The following ARRB1 variants were observed in gnomAD, a reference collection of about 807,000 sequenced individuals.
The protein encoded by ARRB1 is arrestin beta 1.
ARRB1 carries 21 observed loss-of-function variants against 56.8 expected under a neutral mutation model. The observed-to-expected ratio is 0.37, with a 90% CI of 0.26 to 0.53. The LOEUF (loss-of-function observed/expected upper bound fraction) is 0.53. Ranked by LOEUF, ARRB1 falls within the 20% of genes least tolerant of loss-of-function variation. The probability of loss-of-function intolerance (pLI) is 0.88; values close to 1 mark genes in which losing one functional copy is unlikely to be tolerated. For missense variants in ARRB1, 424 were observed against 553.7 expected (o/e 0.77, Z 2.35); for synonymous variants, 210 against 218.6 (o/e 0.96, Z 0.35).
intron 1 of ARRB1, among the ~76,000 whole-genome samples, chr11:75,301,995 C>T (rs1372343268): frequency 2.0e-5 from 3 of 152,180 alleles, no homozygotes; most frequent in African/African-American, 7.2e-5. Context: ...GAAATCAAAG[C>T]CCGAGTGAGA....
At chr11:75,269,539 G>A (rs113689642) in intron 13 of ARRB1, among the ~76,000 whole-genome samples, 4 of 152,380 alleles carry the variant, frequency 2.6e-5, no homozygotes, top group African/African-American at 9.6e-5. Flanking sequence ...CTGTGGGGAT[G>A]CAGGGGAAAG....
rs112376035 is a variant in ARRB1, at chr11:75,317,412, C to T, written c.21-27373G>A. The stretch of plus-strand genomic sequence containing the variant: ...AACACATAGCAGTGCTGCTGCCTCC[C>T]CCAACCCCCGACGGCATCCTCACCC... On this transcript the variant is annotated intron_variant, in intron 1 of 15. Transcript: ENST00000420843. Among the ~76,000 whole-genome samples the T allele has an allele frequency of 8.6e-3, 1,314 of 152,172 alleles. 20 individuals are homozygous for T. The highest frequency in any genetic ancestry group is 0.031 in the African/African-American group (1,274 of 41,508).
At chr11:75,349,385 C>G (rs2135011359) in intron 1 of ARRB1, among the ~76,000 whole-genome samples, 1 of 152,342 alleles carries the variant, frequency 6.6e-6, no homozygotes, top group Non-Finnish European at 1.5e-5. Context: ...CCCAATGTCC[C>G]AAAGGTCCAC....
intron 1 of ARRB1, among the ~76,000 whole-genome samples, chr11:75,329,061 C>T (rs1253549786): frequency 6.6e-6 from 1 of 150,998 alleles, no homozygotes; most frequent in African/African-American, 2.4e-5. Flanking sequence ...CAGCACTTCG[C>T]TGGGACCATT....
intron 1 of ARRB1, among the ~76,000 whole-genome samples, chr11:75,301,561 G>T (rs965691707): frequency 2.0e-5 from 3 of 152,070 alleles, no homozygotes; most frequent in African/African-American, 7.2e-5. Context: ...AATCCCATAC[G>T]TTCCCCCATC....
chr11:75,278,570 G>A, intron 8 of ARRB1, 39 bp downstream of exon 8: 1 of 1,612,942 alleles, frequency 6.2e-7, no homozygotes, highest in African/African-American at 1.3e-5. Flanking sequence ...AGGCCCTGGT[G>A]GAGCAGCCCC....
rs1386992556 is a variant in ARRB1, at chr11:75,262,904, T to C, written c.*3259A>G. Among the ~76,000 whole-genome samples the C allele has an allele frequency of 3.3e-5, 5 of 152,064 alleles. No individual in the cohort carries two copies. The highest frequency in any genetic ancestry group is 7.2e-5 in the African/African-American group (3 of 41,398). Reference sequence around the variant, plus strand: ...TCTGAGCTTTGAGGCTGAGGAGAGGTGCAGCCAAATAACTCAGTCCTTATC... The same window carrying C: ...TCTGAGCTTTGAGGCTGAGGAGAGGCGCAGCCAAATAACTCAGTCCTTATC... On this transcript the variant is annotated 3_prime_UTR_variant, in exon 16 of 16. Transcript: ENST00000420843.
intron 15 of ARRB1, 98 bp downstream of exon 15, chr11:75,267,554 G>T: frequency 1.6e-6 from 2 of 1,252,610 alleles, no homozygotes; most frequent in South Asian, 1.3e-5. Context: ...TTAGACCAGC[G>T]GCTCCTCAGG....
At position 75,288,074 on chromosome 11, in the gene ARRB1, G is replaced by A. The variant is rs1204769142; in HGVS notation, c.52-699C>T. ...GATGGGGTTTCACCATGTTGGTCAG[G>A]CTGGTCTCAAATTCCTGACCTCAGG... On this transcript the variant is annotated intron_variant, in intron 2 of 15. Coordinates refer to ENST00000420843, the MANE Select transcript of ARRB1 (RefSeq NM_004041.5). Among the ~76,000 whole-genome samples the A allele has an allele frequency of 2.6e-5, 4 of 152,064 alleles. No individual in the cohort carries two copies. The East Asian group carries it at 7.7e-4, about 29-fold the overall frequency.
At chr11:75,351,557 G>T in intron 1 of ARRB1, 31 bp downstream of exon 1, 1 of 1,497,020 alleles carries the variant, frequency 6.7e-7, no homozygotes, top group East Asian at 2.8e-5. Flanking sequence ...GCCCCCACGC[G>T]CCCCCCGCCG....
chr11:75,285,925 G>A (rs1456653183), intron 3 of ARRB1, among the ~76,000 whole-genome samples: 1 of 152,218 alleles, frequency 6.6e-6, no homozygotes, highest in Non-Finnish European at 1.5e-5. Context: ...ACACCAGGAT[G>A]CCTGCTCCCG....
At chr11:75,300,533 G>C (rs999397965) in intron 1 of ARRB1, among the ~76,000 whole-genome samples, 5 of 152,098 alleles carry the variant, frequency 3.3e-5, no homozygotes, top group African/African-American at 1.2e-4. Flanking sequence ...TGTCTGGGGA[G>C]TCAAAAAAGC....
At chr11:75,296,147 C>A (rs1946739966) in intron 1 of ARRB1, among the ~76,000 whole-genome samples, 1 of 137,592 alleles carries the variant, frequency 7.3e-6, no homozygotes, top group African/African-American at 2.7e-5. Flanking sequence ...GATCGCACCA[C>A]TGCACTCTAG....
intron 9 of ARRB1, 35 bp downstream of exon 9, chr11:75,277,329 C>A: frequency 6.3e-7 from 1 of 1,595,440 alleles, no homozygotes; most frequent in Non-Finnish European, 8.6e-7. Context: ...GATTGCCTCT[C>A]GCTGTCCCCT....
chr11:75,287,213 C>T lies in ARRB1; in HGVS notation c.112+102G>A, dbSNP rs1019185135. The T allele has an allele frequency of 5.8e-5, 72 of 1,242,542 alleles. No individual in the cohort carries two copies. In the East Asian group the frequency reaches 1.0e-3, roughly 18 times the overall value. The allele number at this position is 1,242,542 out of a possible 1,614,324, so 77.0% of individuals were successfully genotyped here. A position where few individuals can be genotyped will look rare whatever the true frequency, so the allele number is the denominator to read the frequency against. On this transcript the variant is annotated intron_variant, in intron 3 of 15. Coordinates refer to ENST00000420843, the MANE Select transcript of ARRB1 (RefSeq NM_004041.5). ...CCTGAAGCAGGAAGCCATTCACCCC[C>T]GTTCTTGGCACCGGGCCCCTCTGGA...
chr11:75,303,549 T>C, intron 1 of ARRB1: 1 of 455,922 alleles, frequency 2.2e-6, no homozygotes, highest in Non-Finnish European at 4.4e-6. Context: ...TTCCCTCCTT[T>C]CTTTTCTTCC....
chr11:75,321,572 T>C (rs1051946477), intron 1 of ARRB1, among the ~76,000 whole-genome samples: 1 of 152,048 alleles, frequency 6.6e-6, no homozygotes, highest in Non-Finnish European at 1.5e-5. Flanking sequence ...AATTTAGGGG[T>C]CCTTCTTTCA....
intron 1 of ARRB1, chr11:75,335,080 T>C (rs775383013): frequency 5.5e-6 from 1 of 182,704 alleles, no homozygotes; most frequent in African/African-American, 2.4e-5. Flanking sequence ...TGAAGCTGCA[T>C]CAGCCTCATG....
intron 1 of ARRB1, among the ~76,000 whole-genome samples, chr11:75,302,446 G>A (rs1366047767): frequency 1.3e-5 from 2 of 152,206 alleles, no homozygotes; most frequent in East Asian, 3.8e-4. Flanking sequence ...GAAAATCAAG[G>A]GCTAATCAAA....
Sources: allele counts gnomAD v4.1 joint callset (sites outside exome capture counted in the v4.1 genomes callset), GRCh38; gene constraint gnomAD v4.1.1; transcripts MANE v1.5; gene names NCBI Gene and HGNC (gene_info 2026-07-23, HGNC 2026-07-21).